The following RET variants were observed in gnomAD, a reference collection of about 807,000 sequenced individuals.
RET encodes proto-oncogene tyrosine-protein kinase receptor Ret.
Under a neutral mutation model 118.3 loss-of-function variants are expected in RET, and 19 were observed. That is an observed-to-expected ratio of 0.16 (90% CI 0.11 to 0.24). RET has a LOEUF of 0.24. RET is among the 10% of genes least tolerant of loss of function. RET has a pLI of 1.00. For synonymous variants in RET, 597 were observed against 644.1 expected, an observed-to-expected ratio of 0.93 and a Z score of 1.11; for missense variants, 1,219 against 1,502.1, an observed-to-expected ratio of 0.81 and a Z score of 3.12.
chr10:43,081,374 C>T (rs1374238178), intron 1 of RET, among the ~76,000 whole-genome samples: 2 of 152,232 alleles, frequency 1.3e-5, no homozygotes, highest in Non-Finnish European at 2.9e-5. Context: ...GAGGGAGCCT[C>T]GGCTCCTGCC....
chr10:43,088,826 A>C (rs1267431839), intron 1 of RET, among the ~76,000 whole-genome samples: 1 of 152,136 alleles, frequency 6.6e-6, no homozygotes, highest in Non-Finnish European at 1.5e-5. Context: ...TCATGCCCTC[A>C]TGGCCCGAGG....
At chr10:43,090,809 G>T (rs1837395126) in intron 1 of RET, among the ~76,000 whole-genome samples, 1 of 150,278 alleles carries the variant, frequency 6.7e-6, no homozygotes, top group African/African-American at 2.4e-5. Flanking sequence ...GGCCCCCTGG[G>T]ACCCTGGCAC....
Position 43,130,112 on chromosome 10 carries a change from A to G in RET, c.*1843A>G. The G allele has an allele frequency of 2.5e-6, 1 of 398,436 alleles. No homozygotes were observed. Among genetic ancestry groups the G allele is most frequent in the East Asian group, 3.6e-5 (1 of 28,062 alleles). 24.7% of individuals were successfully genotyped at this position (398,436 alleles called of 1,614,324 possible). ...CCAATTTATCCTTGACCAATAACCT[A>G]ATTGTCTATTCCTGAGTTATAAAAG... On this transcript the variant is annotated 3_prime_UTR_variant, in exon 20 of 20. Transcript: ENST00000355710.
chr10:43,116,375 A>G (rs937878569), intron 11 of RET, among the ~76,000 whole-genome samples: 1 of 152,146 alleles, frequency 6.6e-6, no homozygotes, highest in African/African-American at 2.4e-5. Flanking sequence ...CTGTGACCAC[A>G]CCTGTCATGT....
chr10:43,118,442 C>T lies in RET; in HGVS notation c.2354C>T (p.Pro785Leu), dbSNP rs1413429902. Reference sequence around the variant, plus strand: ...AACGTCCTGAAGCAGGTCAACCACCCACATGTCATCAAATTGTATGGGGCC... The same window carrying T: ...AACGTCCTGAAGCAGGTCAACCACCTACATGTCATCAAATTGTATGGGGCC... Reference protein sequence around the residue: ...EFNVLKQVNHPHVIKLYGACS... With the variant: ...EFNVLKQVNHLHVIKLYGACS... Residue 785 changes from proline (P) to leucine (L), a missense_variant, in exon 13 of 20, where the codon CCA (proline) becomes CTA (leucine). By Grantham distance (98) the Pro-to-Leu change is moderately conservative. Coordinates refer to ENST00000355710, the MANE Select transcript of RET (RefSeq NM_020975.6). 6.2e-7 allele frequency: 1 copy of T among 1,614,094 alleles called. No individual in the cohort carries two copies. The highest frequency in any genetic ancestry group is 2.2e-5 in the East Asian group (1 of 44,874).
chr10:43,085,550 C>T (rs1837271280), intron 1 of RET, among the ~76,000 whole-genome samples: 1 of 152,222 alleles, frequency 6.6e-6, no homozygotes, highest in African/African-American at 2.4e-5. Flanking sequence ...TGGTCAGGAG[C>T]TCATTCTGTG....
At position 43,102,397 on chromosome 10, in the gene RET, C is replaced by T. The variant is rs2132679134; in HGVS notation, c.393C>T (p.Ser131=). ...TCAAGGTCTTCCTGTCACCCACATC[C>T]CTTCGTGAGGGCGAGTGCCAGTGGC... The part of the protein sequence containing the change: ...VYLKVFLSPT[S]LREGECQWPG... The change falls in exon 3 of 20, where the codon TCC becomes TCT. Residue 131 remains serine, a synonymous_variant. Transcript: ENST00000355710. 6.2e-7 allele frequency: 1 copy of T among 1,614,280 alleles called. No individual in the cohort carries two copies. The highest frequency in any genetic ancestry group is 1.6e-4 in the Middle Eastern group (1 of 6,062).
At chr10:43,110,454 A>G (rs1864401) in intron 6 of RET, among the ~76,000 whole-genome samples, 117,425 of 152,092 alleles carry the variant, frequency 0.77, 46,024 homozygotes, top group African/African-American at 0.9. Context: ...GCCCGCCCCC[A>G]TCTCGCCATC....
intron 15 of RET, 91 bp downstream of exon 15, chr10:43,120,294 C>T (rs1183539664): frequency 1.4e-5 from 22 of 1,545,262 alleles, no homozygotes; most frequent in South Asian, 4.6e-5. Flanking sequence ...GGAAAGATAC[C>T]GAAGATTAGT....
In RET at chr10:43,097,943, G is replaced by A. The variant is rs190517375; in HGVS notation, c.74-2516G>A. Reference sequence around the variant, plus strand: ...AAAGAGAGATCGATTACATACAAGTGCAGTATTCCTAATGTGTCCTTTGGA... The same window carrying A: ...AAAGAGAGATCGATTACATACAAGTACAGTATTCCTAATGTGTCCTTTGGA... On this transcript the variant is annotated intron_variant, in intron 1 of 19. Coordinates refer to ENST00000355710, the MANE Select transcript of RET (RefSeq NM_020975.6). 1.1e-3 allele frequency among the ~76,000 whole-genome samples: 166 copies of A among 152,294 alleles called. 3 individuals carry two copies. In the East Asian group the frequency reaches 0.028, roughly 25 times the overall value.
At chr10:43,118,298 C>A in intron 12 of RET, 75 bp from the exon 13 acceptor site, 1 of 1,146,776 alleles carries the variant, frequency 8.7e-7, no homozygotes, top group Non-Finnish European at 1.3e-6. Context: ...GATGCAGGTC[C>A]ATCCTGACCT....
intron 1 of RET, among the ~76,000 whole-genome samples, chr10:43,079,212 C>G (rs1837123162): frequency 6.6e-6 from 1 of 152,212 alleles, no homozygotes; most frequent in Non-Finnish European, 1.5e-5. Context: ...CACCAAGACA[C>G]ACTCCTGCCC....
rs201550433 is a variant in RET at position 43,114,670 on chromosome 10, C to T, written c.2070C>T (p.Ser690=). Residue 690 remains serine (S), a synonymous_variant, in exon 11 of 20, where the codon TCC becomes TCT. Coordinates refer to ENST00000355710, the MANE Select transcript of RET (RefSeq NM_020975.6). This position sits in a 1 kb window ranked among gnomAD's most constrained non-coding sequence, Gnocchi z 4.6. ...CCTTCCCGGTCAGCTACTCCTCTTC[C>T]GGTGCCCGCCGGCCCTCGCTGGACT... ...AQAFPVSYSS[S]GARRPSLDSM... is the part of the protein sequence containing the mutation. 27 of 1,612,798 alleles carry T rather than the reference C, an allele frequency of 1.7e-5. No individual in the cohort carries two copies. The highest frequency in any genetic ancestry group is 4.4e-5 in the South Asian group (4 of 91,068).
rs769548635 is a variant in RET at position 43,109,225 on chromosome 10, G to A, written c.1258G>A (p.Ala420Thr). 1.2e-6 allele frequency: 2 copies of A among 1,612,544 alleles called. No homozygotes were observed. The highest frequency in any genetic ancestry group is 1.7e-6 in the Non-Finnish European group (2 of 1,179,978). Residue 420 changes from alanine to threonine, a missense_variant, in exon 6 of 20, where the codon GCC becomes ACC. By Grantham distance (58) the Ala-to-Thr change is moderately conservative. This residue lies in a region of RET where 850 missense variants were observed against 969.6 expected (regional missense o/e 0.88). Coordinates refer to ENST00000355710, the MANE Select transcript of RET (RefSeq NM_020975.6). ...CGTGAGCAGGAGGGCTCGCCGATTT[G>A]CCCAGGTGAGCCCATACCTATTGCC... is the stretch of plus-strand genomic sequence containing the variant. Reference protein sequence around the residue: ...LSVSRRARRFAQIGKVCVENC... With the variant: ...LSVSRRARRFTQIGKVCVENC...
intron 1 of RET, among the ~76,000 whole-genome samples, chr10:43,091,989 T>C (rs1044945829): frequency 6.6e-6 from 1 of 152,184 alleles, no homozygotes; most frequent in Non-Finnish European, 1.5e-5. Context: ...CCACTCTGGA[T>C]ACATACAGGA....
intron 14 of RET, 117 bp downstream of exon 14, chr10:43,119,862 A>C: frequency 7.7e-7 from 1 of 1,300,280 alleles, no homozygotes; most frequent in South Asian, 1.2e-5. Flanking sequence ...ACTCTAGCCC[A>C]CCATGCCCCT....
intron 1 of RET, among the ~76,000 whole-genome samples, chr10:43,084,992 G>C (rs971609754): frequency 2.2e-4 from 34 of 152,352 alleles, no homozygotes; most frequent in African/African-American, 7.9e-4. Flanking sequence ...CGGATCCGCT[G>C]TAAGTTGATT....
intron 1 of RET, among the ~76,000 whole-genome samples, chr10:43,080,829 A>G (rs1837163748): frequency 6.6e-6 from 1 of 152,236 alleles, no homozygotes; most frequent in African/African-American, 2.4e-5. Flanking sequence ...TGCTCTGTGG[A>G]TGGCAGGAAG....
Position 43,106,270 on chromosome 10 carries a change from C to A in RET, c.868-106C>A. ...CTGGCTCTGACAACACACATCTGGT[C>A]CACCTATGGGCTGTGTGGGACGTGC... is the stretch of plus-strand genomic sequence containing the variant. On this transcript the variant is annotated intron_variant, in intron 4 of 19. Coordinates refer to ENST00000355710, the MANE Select transcript of RET (RefSeq NM_020975.6). This position sits in a 1 kb window ranked among gnomAD's most constrained non-coding sequence, Gnocchi z 5.1. The A allele has an allele frequency of 9.0e-7, 1 of 1,109,984 alleles. No homozygotes were observed. The highest frequency in any genetic ancestry group is 1.3e-6 in the Non-Finnish European group (1 of 754,124). The allele number at this position is 1,109,984 out of a possible 1,614,324, so 68.8% of individuals were successfully genotyped here. A position where few individuals can be genotyped will look rare whatever the true frequency, so the allele number is the denominator to read the frequency against.
Sources: gnomAD v4.1 joint callset for allele counts (sites outside exome capture counted in the v4.1 genomes callset) on GRCh38, gnomAD v4.1.1 for gene constraint, gnomAD v4.1.1 regional missense constraint, Gnocchi (gnomAD v3.1) non-coding constraint, MANE v1.5 for transcripts, NCBI Gene and HGNC (gene_info 2026-07-23, HGNC 2026-07-21) for gene names.